Variants in MAPT observed in about 807,000 individuals in gnomAD.
MAPT encodes microtubule associated protein tau.
MAPT carries 34 observed loss-of-function variants against 67.9 expected under a neutral mutation model. That is an observed-to-expected ratio of 0.50 (90% CI 0.38 to 0.67). The LOEUF (loss-of-function observed/expected upper bound fraction) is 0.67, where lower values mean the gene tolerates loss of function less well. MAPT is among the 30% of genes least tolerant of loss of function. MAPT has a pLI of 0.00. For missense variants in MAPT, 881 were observed against 1,115.2 expected (o/e 0.79, Z 2.99); for synonymous variants, 456 against 464.5 (o/e 0.98, Z 0.23).
At chr17:45,962,027 G>A (rs190983256) in intron 1 of MAPT, among the ~76,000 whole-genome samples, 7 of 152,190 alleles carry the variant, frequency 4.6e-5, no homozygotes, top group Non-Finnish European at 8.8e-5. Context: ...CACCCACCTC[G>A]GCCTCCCAAA....
rs553837156 is a variant in MAPT at position 45,924,395 on chromosome 17, C to T, written c.-18+29709C>T. Among the ~76,000 whole-genome samples the T allele has an allele frequency of 3.9e-5, 6 of 152,354 alleles. No individual in the cohort carries two copies. In the South Asian group the frequency reaches 1.2e-3, roughly 32 times the overall value. On this transcript the variant is annotated intron_variant, in intron 1 of 12. Transcript: ENST00000262410. ...ATGACAGGGAGTGCAGGAGTGCGGTCGACTCCCAGATATTGGAGAGCGCTG... is the reference window on the plus strand; with the variant it reads ...ATGACAGGGAGTGCAGGAGTGCGGTTGACTCCCAGATATTGGAGAGCGCTG...
At chr17:46,015,436 G>T (rs2076111498) in intron 11 of MAPT, among the ~76,000 whole-genome samples, 1 of 151,898 alleles carries the variant, frequency 6.6e-6, no homozygotes, top group Admixed American at 6.6e-5. Context: ...GAGGCGAGCG[G>T]ATCACAAGGT....
At chr17:45,933,840 ATT>A (rs35907411) in intron 1 of MAPT, among the ~76,000 whole-genome samples, 19,120 of 137,738 alleles carry the variant, frequency 0.14, 1,629 homozygotes, top group Middle Eastern at 0.22. Context: ...ATGTTTTCTG[ATT>A]TTTTTTTTTT....
intron 1 of MAPT, among the ~76,000 whole-genome samples, chr17:45,924,854 G>T (rs1221239032): frequency 6.6e-6 from 1 of 152,066 alleles, no homozygotes; most frequent in African/African-American, 2.4e-5. Flanking sequence ...CCTGGCCATT[G>T]CTGGGGGGTG....
chr17:45,949,361 C>G (rs557301036), intron 1 of MAPT, among the ~76,000 whole-genome samples: 7 of 152,240 alleles, frequency 4.6e-5, no homozygotes, highest in Non-Finnish European at 8.8e-5. Flanking sequence ...TGTAGGAGAC[C>G]AGCCCGACTC....
chr17:45,916,939 G>C (rs992489908), intron 1 of MAPT, among the ~76,000 whole-genome samples: 7 of 152,308 alleles, frequency 4.6e-5, no homozygotes, highest in African/African-American at 1.7e-4. Flanking sequence ...TGGGCCACCT[G>C]GAGATGGGCC....
At chr17:45,937,271 G>C (rs1278690231) in intron 1 of MAPT, among the ~76,000 whole-genome samples, 1 of 152,118 alleles carries the variant, frequency 6.6e-6, no homozygotes, top group African/African-American at 2.4e-5. Flanking sequence ...TAGGAAGCTA[G>C]TAGGTGCTGA....
chr17:45,983,719 G>A lies in MAPT; in HGVS notation c.1140G>A (p.Val380=). The change falls in exon 5 of 13, where the codon GTG becomes GTA. Residue 380 remains valine, a synonymous_variant. Coordinates refer to ENST00000262410, the MANE Select transcript of MAPT (RefSeq NM_001377265.1). ...QDAPLEFTFH[V]EITPNVQKEQ... ...CCCCCCTGGAGTTCACGTTTCACGT[G>A]GAAATCACACCCAACGTGCAGAAGG... 1.9e-6 allele frequency: 3 copies of A among 1,614,186 alleles called. No homozygotes were observed. Among genetic ancestry groups the A allele is most frequent in the Non-Finnish European group, 2.5e-6 (3 of 1,180,032 alleles).
rs183584377 is a variant in MAPT, at chr17:45,901,709, G to A, written c.-18+7023G>A. Among the ~76,000 whole-genome samples the A allele has an allele frequency of 8.1e-4, 123 of 152,212 alleles. 1 individual carries two copies. Among genetic ancestry groups the A allele is most frequent in the African/African-American group, 2.8e-3 (117 of 41,520 alleles). ...AGATTTCCAAGATTTTACTTTAACCGAAACTATATAAATGTGAATTTGTTC... is the reference window on the plus strand; with the variant it reads ...AGATTTCCAAGATTTTACTTTAACCAAAACTATATAAATGTGAATTTGTTC... On this transcript the variant is annotated intron_variant, in intron 1 of 12. Transcript: ENST00000262410.
At chr17:46,002,952 T>C (rs1233715608) in intron 9 of MAPT, among the ~76,000 whole-genome samples, 1 of 152,044 alleles carries the variant, frequency 6.6e-6, no homozygotes, top group Non-Finnish European at 1.5e-5. Flanking sequence ...CCAACTAATT[T>C]CTTATATTTT....
At chr17:46,014,509 C>T (rs2076025151) in intron 11 of MAPT, among the ~76,000 whole-genome samples, 185 bp downstream of exon 11, 1 of 152,114 alleles carries the variant, frequency 6.6e-6, no homozygotes, top group Non-Finnish European at 1.5e-5. Flanking sequence ...CCAGCTCGCT[C>T]CTGCCCAGGC....
At chr17:46,008,304 G>A (rs926466439) in intron 9 of MAPT, among the ~76,000 whole-genome samples, 21 of 152,260 alleles carry the variant, frequency 1.4e-4, no homozygotes, top group African/African-American at 4.6e-4. Context: ...TGGCCAGGCT[G>A]CTCTTGAACT....
rs192859336 is a variant in MAPT, at chr17:45,960,104, C to T, written c.-17-2217C>T. Among the ~76,000 whole-genome samples the T allele has an allele frequency of 1.1e-4, 17 of 152,320 alleles. No individual in the cohort carries two copies. In the East Asian group the frequency reaches 1.7e-3, roughly 16 times the overall value. On this transcript the variant is annotated intron_variant, in intron 1 of 12. Coordinates refer to ENST00000262410, the MANE Select transcript of MAPT (RefSeq NM_001377265.1). The stretch of plus-strand genomic sequence containing the variant: ...ACATTCCCAAACCTTTGTAAATCCG[C>T]GGATTCATGAAAACAGACACATTTG...
intron 1 of MAPT, among the ~76,000 whole-genome samples, chr17:45,944,252 C>A (rs2068253420): frequency 6.6e-6 from 1 of 152,206 alleles, no homozygotes; most frequent in African/African-American, 2.4e-5. Flanking sequence ...AACAGCTAGC[C>A]AGTGGACCCC....
intron 8 of MAPT, 151 bp downstream of exon 8, chr17:45,991,737 C>T: frequency 1.1e-6 from 1 of 937,686 alleles, no homozygotes; most frequent in East Asian, 2.6e-5. Context: ...TCTTCATTGC[C>T]TTCTCAGTCC....
intron 1 of MAPT, among the ~76,000 whole-genome samples, chr17:45,945,805 G>A (rs991263142): frequency 2.9e-5 from 2 of 69,574 alleles, no homozygotes; most frequent in Non-Finnish European, 5.7e-5. Context: ...AGAGGGAGAC[G>A]CAATCTCAAA....
At chr17:45,936,240 G>T (rs760388268) in intron 1 of MAPT, among the ~76,000 whole-genome samples, 1 of 152,224 alleles carries the variant, frequency 6.6e-6, no homozygotes, top group Non-Finnish European at 1.5e-5. Flanking sequence ...GTGGGGGTTA[G>T]TTCATGCCTT....
chr17:45,896,069 G>C lies in MAPT; in HGVS notation c.-18+1383G>C, dbSNP rs1160668677. 1.3e-5 allele frequency: 2 copies of C among 152,276 alleles called. No individual in the cohort carries two copies. Among genetic ancestry groups the C allele is most frequent in the African/African-American group, 4.8e-5 (2 of 41,450 alleles). The allele number at this position is 152,276 out of a possible 1,614,324, so 9.4% of individuals were successfully genotyped here. A position where few individuals can be genotyped will look rare whatever the true frequency, so the allele number is the denominator to read the frequency against. ...GTCAACCTCCCCCCTACGCCCATGC[G>C]CCTCTCTTTCCTTTTTCGCTCCTCA... On this transcript the variant is annotated intron_variant, in intron 1 of 12. Transcript: ENST00000262410. The surrounding 1 kb of genome is among the most constrained non-coding windows in gnomAD (Gnocchi z 5.6).
intron 1 of MAPT, among the ~76,000 whole-genome samples, chr17:45,903,325 A>C (rs2063740182): frequency 6.6e-6 from 1 of 152,128 alleles, no homozygotes; most frequent in Non-Finnish European, 1.5e-5. Context: ...ACCTGTTTCC[A>C]GTTGTTCTTA....
Sources: allele counts gnomAD v4.1 joint callset (sites outside exome capture counted in the v4.1 genomes callset), GRCh38; gene constraint gnomAD v4.1.1; non-coding constraint Gnocchi (gnomAD v3.1); transcripts MANE v1.5; gene names NCBI Gene and HGNC (gene_info 2026-07-23, HGNC 2026-07-21).